LOXL2: variants seen among roughly 807,000 people sequenced by gnomAD.
The protein encoded by LOXL2 is lysyl oxidase like 2, also known as lysyl oxidase homolog 2.
A neutral mutation model predicts 93.0 loss-of-function variants in LOXL2; 70 were observed. That is an observed-to-expected ratio of 0.75 (90% CI 0.62 to 0.92). The LOEUF (loss-of-function observed/expected upper bound fraction) is 0.92. Ranked by LOEUF, LOXL2 falls within the 40% of genes least tolerant of loss-of-function variation. LOXL2 has a pLI of 0.00. For missense variants in LOXL2, 973 were observed against 1,054.9 expected, an observed-to-expected ratio of 0.92 and a Z score of 1.08; for synonymous variants, 438 against 413.2, an observed-to-expected ratio of 1.06 and a Z score of -0.73.
At chr8:23,323,927 C>T (rs1220342155) in intron 6 of LOXL2, among the ~76,000 whole-genome samples, 1 of 152,170 alleles carries the variant, frequency 6.6e-6, no homozygotes, top group South Asian at 2.1e-4. Context: ...GTCTCGATCT[C>T]TTGACCTTGT....
chr8:23,331,733 G>A (rs1328157688), intron 5 of LOXL2: 1 of 145,422 alleles, frequency 6.9e-6, no homozygotes, highest in Non-Finnish European at 1.5e-5. Context: ...GCTGTGGTTG[G>A]ACTACTTTAC....
In LOXL2 at chr8:23,316,924, G is replaced by A. The variant is rs1280619177; in HGVS notation, c.1636+25C>T. ...ACTCTGGTCCCCTTGGGAGCCCGGT[G>A]GGGAGGGAGGGGAGGAGCTCTCACT... On this transcript the variant is annotated intron_variant, in intron 9 of 13. Transcript: ENST00000389131. 1.9e-6 allele frequency: 3 copies of A among 1,556,542 alleles called. No individual in the cohort carries two copies. In the East Asian group the frequency reaches 6.9e-5, roughly 36 times the overall value.
chr8:23,402,193 GCA>G (rs1214622758), intron 1 of LOXL2, among the ~76,000 whole-genome samples: 1 of 151,846 alleles, frequency 6.6e-6, no homozygotes, highest in Non-Finnish European at 1.5e-5. Flanking sequence ...ACGTGCCCGC[GCA>G]CACACACCTG....
At chr8:23,381,984 T>C (rs930740021) in intron 1 of LOXL2, among the ~76,000 whole-genome samples, 1 of 152,216 alleles carries the variant, frequency 6.6e-6, no homozygotes, top group Non-Finnish European at 1.5e-5. Context: ...AGACCCCTCA[T>C]TCTGGGAAAG....
chr8:23,403,726 C>A (rs1800181597), intron 1 of LOXL2, among the ~76,000 whole-genome samples: 1 of 152,006 alleles, frequency 6.6e-6, no homozygotes, highest in South Asian at 2.1e-4. Context: ...CCAGCAGCCG[C>A]GCCGCGCCCG....
intron 8 of LOXL2, 100 bp downstream of exon 8, chr8:23,319,785 C>A: frequency 1.5e-6 from 2 of 1,333,030 alleles, no homozygotes; most frequent in Non-Finnish European, 1.0e-6. Context: ...GTCCTGCCTG[C>A]ACGGCTAGGG....
At chr8:23,318,929 C>T (rs945986285) in intron 8 of LOXL2, among the ~76,000 whole-genome samples, 1 of 152,204 alleles carries the variant, frequency 6.6e-6, no homozygotes, top group Admixed American at 6.5e-5. Context: ...ACCTGGGACC[C>T]ACCCAGCCCA....
At chr8:23,332,165 C>T (rs1270549525) in intron 5 of LOXL2, among the ~76,000 whole-genome samples, 3 of 149,266 alleles carry the variant, frequency 2.0e-5, no homozygotes, top group East Asian at 3.9e-4. Context: ...CACACACACA[C>T]TCACACTCTC....
intron 3 of LOXL2, among the ~76,000 whole-genome samples, chr8:23,344,372 G>A (rs1295197304): frequency 6.6e-6 from 1 of 152,030 alleles, no homozygotes; most frequent in African/African-American, 2.4e-5. Context: ...GGTGGTGTGT[G>A]CTTGATGGTC....
intron 1 of LOXL2, among the ~76,000 whole-genome samples, chr8:23,374,084 T>C (rs1274266489): frequency 6.7e-6 from 1 of 148,970 alleles, no homozygotes; most frequent in East Asian, 2.0e-4. Flanking sequence ...TATCTCCTAA[T>C]GCTTTCCCTC....
At chr8:23,400,730 T>C (rs1800143665) in intron 1 of LOXL2, among the ~76,000 whole-genome samples, 1 of 152,170 alleles carries the variant, frequency 6.6e-6, no homozygotes, top group South Asian at 2.1e-4. Flanking sequence ...TAGATTTCTT[T>C]CTGGGGCCTT....
At chr8:23,397,902 C>T (rs1389737486) in intron 1 of LOXL2, among the ~76,000 whole-genome samples, 3 of 142,362 alleles carry the variant, frequency 2.1e-5, no homozygotes, top group Admixed American at 1.5e-4. Flanking sequence ...TGGAGGTTGC[C>T]GTGAGCTGAG....
At chr8:23,316,754 C>T (rs1406783227) in intron 9 of LOXL2, 195 bp downstream of exon 9, 5 of 571,894 alleles carry the variant, frequency 8.7e-6, no homozygotes, top group Admixed American at 3.6e-5. Flanking sequence ...CTTTTCTCCC[C>T]ACTACATCAT....
At chr8:23,332,965 CTT>C (rs1182991379) in intron 5 of LOXL2, among the ~76,000 whole-genome samples, 2 of 151,180 alleles carry the variant, frequency 1.3e-5, no homozygotes, top group Non-Finnish European at 2.9e-5. Flanking sequence ...GTATAGATGA[CTT>C]AGGATAATGG....
intron 1 of LOXL2, among the ~76,000 whole-genome samples, chr8:23,401,950 T>C (rs147280749): frequency 9.2e-5 from 14 of 152,394 alleles, no homozygotes; most frequent in Admixed American, 2.6e-4. Flanking sequence ...GACCTTAGAC[T>C]AAGTCACTTT....
chr8:23,345,484 G>A (rs574308323), intron 3 of LOXL2, among the ~76,000 whole-genome samples: 3 of 152,330 alleles, frequency 2.0e-5, no homozygotes, highest in Admixed American at 2.0e-4. Context: ...CAGCATTCTT[G>A]TCTTCAGGCC....
chr8:23,398,676 G>A (rs763219211), intron 1 of LOXL2, among the ~76,000 whole-genome samples: 6 of 152,130 alleles, frequency 3.9e-5, no homozygotes, highest in Non-Finnish European at 5.9e-5. Flanking sequence ...TCAACCAAGT[G>A]GCTATTCTTT....
At chr8:23,383,357 T>C (rs1437568148) in intron 1 of LOXL2, among the ~76,000 whole-genome samples, 2 of 152,154 alleles carry the variant, frequency 1.3e-5, no homozygotes, top group Non-Finnish European at 1.5e-5. Context: ...AATGAAATAA[T>C]GTGAAGATCC....
At chr8:23,363,821 G>A (rs1340128638) in intron 2 of LOXL2, 1 of 152,132 alleles carries the variant, frequency 6.6e-6, no homozygotes, top group African/African-American at 2.4e-5. Context: ...TCTGTACTTA[G>A]CCCAAGACAG....
Sources: gnomAD v4.1 joint callset for allele counts (sites outside exome capture counted in the v4.1 genomes callset) on GRCh38, gnomAD v4.1.1 for gene constraint, MANE v1.5 for transcripts, NCBI Gene and HGNC (gene_info 2026-07-23, HGNC 2026-07-21) for gene names.